PDE1C: variants seen among roughly 807,000 people sequenced by gnomAD.
PDE1C encodes phosphodiesterase 1C, also known as dual specificity calcium/calmodulin-dependent 3',5'-cyclic nucleotide phosphodiesterase 1C.
A neutral mutation model predicts 93.1 loss-of-function variants in PDE1C; 62 were observed. The ratio of observed to expected loss-of-function variants is 0.67; its 90% confidence interval spans 0.54 to 0.82. PDE1C has a LOEUF of 0.82. Among genes scored for constraint, PDE1C ranks in the 40% least tolerant of loss-of-function variants. The pLI, the probability that PDE1C is intolerant of heterozygous loss-of-function variation, is 0.00. For synonymous variants in PDE1C, 325 were observed against 310.1 expected, an observed-to-expected ratio of 1.05 and a Z score of -0.50; for missense variants, 742 against 884.6, an observed-to-expected ratio of 0.84 and a Z score of 2.04.
chr7:32,038,090 G>A (rs1347994612), intron 2 of PDE1C, among the ~76,000 whole-genome samples: 1 of 152,138 alleles, frequency 6.6e-6, no homozygotes, highest in Admixed American at 6.6e-5. Context: ...ATGCATTGCA[G>A]AGCCTACTAG....
intron 3 of PDE1C, among the ~76,000 whole-genome samples, chr7:32,112,826 GTGTGTGTGTGTGTGTGTGTGTATATA>G (rs1232819198): frequency 3.9e-4 from 46 of 117,010 alleles, no homozygotes; most frequent in Admixed American, 5.7e-4. Flanking sequence ...GTGTGTGTGT[GTGTGTGTGTGTGTGTGTGTGTATATA>G]TATATATATA....
At chr7:32,303,275 A>G (rs1812920352), upstream of PDE1C, among the ~76,000 whole-genome samples, 1 of 152,186 alleles carries the variant, frequency 6.6e-6, no homozygotes, top group African/African-American at 2.4e-5. Flanking sequence ...TAGCTAATCT[A>G]CCAAACAGAC....
At chr7:32,421,345 G>A (rs1318663238) in intron 1 of PDE1C, among the ~76,000 whole-genome samples, 3 of 152,142 alleles carry the variant, frequency 2.0e-5, no homozygotes, top group Non-Finnish European at 2.9e-5. Flanking sequence ...AATTTCCATG[G>A]AAGAATCATC....
chr7:32,142,950 A>T (rs906653331), intron 3 of PDE1C, among the ~76,000 whole-genome samples: 11 of 152,162 alleles, frequency 7.2e-5, no homozygotes, highest in African/African-American at 2.7e-4. Context: ...TGGAGAGACC[A>T]GTTCAACTGG....
intron 2 of PDE1C, among the ~76,000 whole-genome samples, chr7:32,012,820 G>A (rs1787333067): frequency 6.6e-6 from 1 of 152,110 alleles, no homozygotes; most frequent in Non-Finnish European, 1.5e-5. Context: ...ACTATTTCAA[G>A]TCCTGGCTCT....
intron 2 of PDE1C, among the ~76,000 whole-genome samples, chr7:31,975,614 T>G (rs2129053444): frequency 6.6e-6 from 1 of 152,196 alleles, no homozygotes; most frequent in Admixed American, 6.5e-5. Flanking sequence ...TAAGTTTTAG[T>G]CAGAGAAACC....
chr7:31,945,469 AT>A (rs1458698964), intron 2 of PDE1C, among the ~76,000 whole-genome samples: 1 of 152,002 alleles, frequency 6.6e-6, no homozygotes, highest in Non-Finnish European at 1.5e-5. Flanking sequence ...TTTCTCCTTC[AT>A]TTATGAAGGA....
chr7:32,415,205 C>T (rs905355825), intron 1 of PDE1C, among the ~76,000 whole-genome samples: 1 of 152,138 alleles, frequency 6.6e-6, no homozygotes, highest in African/African-American at 2.4e-5. Context: ...AATTCCAACA[C>T]TTGGAGAGGC....
intron 2 of PDE1C, among the ~76,000 whole-genome samples, chr7:31,955,903 G>A (rs984228645): frequency 6.6e-6 from 1 of 152,196 alleles, no homozygotes; most frequent in Admixed American, 6.5e-5. Flanking sequence ...AGGCAACACA[G>A]CTTATGCTTA....
chr7:31,691,630 G>A, the PDE1C span, among the ~76,000 whole-genome samples: 1 of 151,988 alleles, frequency 6.6e-6, no homozygotes, highest in Admixed American at 6.5e-5. Flanking sequence ...CAGGAAAGAT[G>A]GAGGGTGGGG....
At chr7:31,939,567 A>G (rs551388959) in intron 2 of PDE1C, among the ~76,000 whole-genome samples, 1 of 152,176 alleles carries the variant, frequency 6.6e-6, no homozygotes, top group African/African-American at 2.4e-5. Context: ...AATGAAAACA[A>G]AGGATTTTTA....
the PDE1C span, among the ~76,000 whole-genome samples, chr7:31,712,569 G>C: frequency 6.6e-6 from 1 of 152,208 alleles, no homozygotes; most frequent in Non-Finnish European, 1.5e-5. Context: ...GTCAGTAGAG[G>C]CAGAGACAGC....
chr7:31,950,562 A>G (rs1039338352), intron 2 of PDE1C, among the ~76,000 whole-genome samples: 1 of 152,168 alleles, frequency 6.6e-6, no homozygotes, highest in African/African-American at 2.4e-5. Context: ...AGTATGTGTG[A>G]GTGTGAGTTT....
chr7:31,820,526 C>T (rs1311100769), intron 14 of PDE1C: 1 of 152,004 alleles, frequency 6.6e-6, no homozygotes, highest in African/African-American at 2.4e-5. Flanking sequence ...TCAGTTCTTG[C>T]CTACCTAGTT....
rs1468612370 is a variant in PDE1C at position 32,203,028 on chromosome 7, T to C, written c.136+6461A>G. On this transcript the variant is annotated intron_variant, in intron 2 of 18. Coordinates refer to the PDE1C transcript ENST00000396193. Reference sequence around the variant, plus strand: ...CACACCCAGCTCCTAGCAAACACCATCCAATTCTGCATTTCTATTAGTTTG... The same window carrying C: ...CACACCCAGCTCCTAGCAAACACCACCCAATTCTGCATTTCTATTAGTTTG... 3.3e-5 allele frequency among the ~76,000 whole-genome samples: 5 copies of C among 152,030 alleles called. No homozygotes were observed. In the East Asian group the frequency reaches 7.7e-4, roughly 23 times the overall value.
At chr7:32,093,598 C>T (rs964527840) in intron 3 of PDE1C, among the ~76,000 whole-genome samples, 9 of 152,230 alleles carry the variant, frequency 5.9e-5, no homozygotes, top group African/African-American at 2.2e-4. Context: ...TCATGCATTC[C>T]TCCCACAAAC....
At chr7:31,709,201 T>TA in the PDE1C span, among the ~76,000 whole-genome samples, 5 of 152,204 alleles carry the variant, frequency 3.3e-5, no homozygotes, top group African/African-American at 1.2e-4. Flanking sequence ...CCTTCATCGT[T>TA]ACTGACTTCC....
chr7:32,194,010 G>A (rs1369346463), intron 2 of PDE1C, among the ~76,000 whole-genome samples: 1 of 149,956 alleles, frequency 6.7e-6, no homozygotes, highest in Non-Finnish European at 1.5e-5. Flanking sequence ...CACCTCCCAG[G>A]TTCACGCCAT....
intron 2 of PDE1C, among the ~76,000 whole-genome samples, chr7:32,034,053 A>T (rs1311277210): frequency 1.3e-5 from 1 of 78,450 alleles, no homozygotes; most frequent in Non-Finnish European, 2.2e-5. Flanking sequence ...AAGATGAGAG[A>T]CTGTGTGTGT....
Sources: gnomAD v4.1 joint callset for allele counts (sites outside exome capture counted in the v4.1 genomes callset) on GRCh38, gnomAD v4.1.1 for gene constraint, MANE v1.5 for transcripts, NCBI Gene and HGNC (gene_info 2026-07-23, HGNC 2026-07-21) for gene names.